SAMMSON: variants seen among roughly 807,000 people sequenced by gnomAD.
The protein encoded by SAMMSON is long intergenic non-protein coding RNA 1212.
chr3:70,351,548 G>A (rs1702795545), intron 7 of SAMMSON, among the ~76,000 whole-genome samples: 1 of 151,950 alleles, frequency 6.6e-6, no homozygotes, highest in Non-Finnish European at 1.5e-5. Context: ...CAAAAATAGG[G>A]AAAGAAGAGG....
intron 4 of SAMMSON, among the ~76,000 whole-genome samples, chr3:70,115,439 G>A (rs1347314443): frequency 2.6e-5 from 4 of 151,916 alleles, no homozygotes; most frequent in South Asian, 2.1e-4. Context: ...GTATTTTCAC[G>A]GAAAAGATCA....
intron 4 of SAMMSON, among the ~76,000 whole-genome samples, chr3:70,073,209 T>G (rs1363120245): frequency 6.6e-6 from 1 of 152,044 alleles, no homozygotes; most frequent in Non-Finnish European, 1.5e-5. Context: ...TAGACATAAA[T>G]AATCTGTGAT....
chr3:70,399,934 C>T (rs1701126423), intron 2 of SAMMSON, among the ~76,000 whole-genome samples: 1 of 151,380 alleles, frequency 6.6e-6, no homozygotes, highest in East Asian at 1.9e-4. Flanking sequence ...TTGTGTATAT[C>T]AGTTTTTCTC....
intron 4 of SAMMSON, among the ~76,000 whole-genome samples, chr3:70,226,107 A>G (rs1202324938): frequency 6.6e-6 from 1 of 152,194 alleles, no homozygotes; most frequent in Non-Finnish European, 1.5e-5. Flanking sequence ...CCCTCAGAAA[A>G]CACATACAAC....
downstream of SAMMSON, among the ~76,000 whole-genome samples, chr3:70,390,996 C>A (rs1701042898): frequency 6.6e-6 from 1 of 152,054 alleles, no homozygotes; most frequent in Non-Finnish European, 1.5e-5. Context: ...CCTATTGTGT[C>A]ATTAGAATTT....
At chr3:70,336,886 A>T (rs1702665075) in intron 7 of SAMMSON, among the ~76,000 whole-genome samples, 1 of 148,376 alleles carries the variant, frequency 6.7e-6, no homozygotes, top group Non-Finnish European at 1.5e-5. Context: ...AAAAAATTCC[A>T]CTGAAGAATA....
intron 2 of SAMMSON, among the ~76,000 whole-genome samples, chr3:70,413,289 C>T (rs1025670297): frequency 3.9e-5 from 6 of 152,134 alleles, no homozygotes; most frequent in African/African-American, 1.4e-4. Flanking sequence ...GCTGAACTCT[C>T]TATTGCCTCA....
chr3:70,317,645 C>A (rs185697433), intron 7 of SAMMSON, among the ~76,000 whole-genome samples: 1 of 150,850 alleles, frequency 6.6e-6, no homozygotes, highest in South Asian at 2.1e-4. Context: ...GATATACACG[C>A]GTGTATAGAA....
chr3:70,205,524 A>C (rs1412979227), intron 4 of SAMMSON: 1 of 152,132 alleles, frequency 6.6e-6, no homozygotes, highest in African/African-American at 2.4e-5. Flanking sequence ...TCTGTGTACC[A>C]ACTTTTGTAC....
At chr3:70,339,319 G>T (rs528603834) in intron 7 of SAMMSON, among the ~76,000 whole-genome samples, 21 of 152,126 alleles carry the variant, frequency 1.4e-4, no homozygotes, top group African/African-American at 4.3e-4. Flanking sequence ...AACCTAGACA[G>T]TACCATTCAG....
At chr3:70,085,148 C>T (rs890278772) in intron 4 of SAMMSON, among the ~76,000 whole-genome samples, 5 of 152,150 alleles carry the variant, frequency 3.3e-5, no homozygotes, top group Non-Finnish European at 7.3e-5. Flanking sequence ...GGCACCTTTT[C>T]CAACTGTATA....
chr3:70,385,249 A>G (rs903002221), intron 9 of SAMMSON, among the ~76,000 whole-genome samples: 1 of 152,122 alleles, frequency 6.6e-6, no homozygotes, highest in African/African-American at 2.4e-5. Context: ...AGATTAACAG[A>G]GAAAAATGTT....
chr3:70,246,624 C>T (rs140125992), intron 4 of SAMMSON, among the ~76,000 whole-genome samples: 142 of 152,042 alleles, frequency 9.3e-4, no homozygotes, highest in Non-Finnish European at 5.3e-4. Flanking sequence ...ATAACTGAAA[C>T]GTATTTAAGG....
intron 4 of SAMMSON, among the ~76,000 whole-genome samples, chr3:70,147,035 A>G (rs1274529205): frequency 6.6e-6 from 1 of 152,080 alleles, no homozygotes; most frequent in Non-Finnish European, 1.5e-5. Context: ...ATTGAAAAAT[A>G]GGAAACCAAA....
chr3:70,305,994 A>T (rs1348800026), intron 7 of SAMMSON, among the ~76,000 whole-genome samples: 1 of 152,178 alleles, frequency 6.6e-6, no homozygotes, highest in Non-Finnish European at 1.5e-5. Context: ...GATAACCATG[A>T]TAACCAGTGT....
At chr3:70,170,342 C>A (rs1700931992) in intron 4 of SAMMSON, among the ~76,000 whole-genome samples, 1 of 151,378 alleles carries the variant, frequency 6.6e-6, no homozygotes, top group African/African-American at 2.4e-5. Context: ...GACAAATGTT[C>A]AAAAATTTTA....
chr3:70,319,146 T>C (rs995377848), intron 7 of SAMMSON, among the ~76,000 whole-genome samples: 1 of 152,066 alleles, frequency 6.6e-6, no homozygotes, highest in Admixed American at 6.6e-5. Context: ...CTCTACATTA[T>C]AGAGTCCCCT....
At chr3:70,106,433 T>C (rs868373468) in intron 4 of SAMMSON, among the ~76,000 whole-genome samples, 1 of 151,634 alleles carries the variant, frequency 6.6e-6, no homozygotes, top group African/African-American at 2.4e-5. Flanking sequence ...TTCAAACTTA[T>C]GGGCTCAAGC....
At chr3:70,089,303 A>C (rs2067297363) in intron 4 of SAMMSON, among the ~76,000 whole-genome samples, 1 of 152,196 alleles carries the variant, frequency 6.6e-6, no homozygotes, top group Non-Finnish European at 1.5e-5. Context: ...GTACACTATG[A>C]GTACAGGTTC....
Sources: gnomAD v4.1 joint callset for allele counts (sites outside exome capture counted in the v4.1 genomes callset) on GRCh38, gnomAD v4.1.1 for gene constraint, MANE v1.5 for transcripts, NCBI Gene and HGNC (gene_info 2026-07-23, HGNC 2026-07-21) for gene names.